EYS: variants seen among roughly 807,000 people sequenced by gnomAD.
EYS encodes the protein protein eyes shut homolog.
Under a neutral mutation model 282.1 loss-of-function variants are expected in EYS, and 250 were observed. The observed-to-expected ratio is 0.89, with a 90% CI of 0.80 to 0.98. The LOEUF (loss-of-function observed/expected upper bound fraction) is 0.98. EYS is among the 50% of genes least tolerant of loss of function. The pLI is 0.00. For synonymous variants in EYS, 1,355 were observed against 1,282.9 expected (o/e 1.06, Z -1.20); for missense variants, 4,016 against 3,709.0 (o/e 1.08, Z -2.15).
chr6:64,581,078 T>C (rs1766045991), intron 26 of EYS, among the ~76,000 whole-genome samples: 1 of 152,128 alleles, frequency 6.6e-6, no homozygotes, highest in African/African-American at 2.4e-5. Context: ...TAAGAAAGTA[T>C]ATATCTCTGC....
chr6:63,864,929 T>C (rs1249253712), intron 35 of EYS, among the ~76,000 whole-genome samples: 1 of 152,244 alleles, frequency 6.6e-6, no homozygotes, highest in East Asian at 1.9e-4. Context: ...TCAGGAAAAA[T>C]ACTCCTCTTA....
At chr6:64,318,902 T>C (rs980690635) in intron 29 of EYS, among the ~76,000 whole-genome samples, 4 of 151,914 alleles carry the variant, frequency 2.6e-5, no homozygotes, top group African/African-American at 9.7e-5. Flanking sequence ...ATTATTTCTT[T>C]GTTCTATGAG....
intron 35 of EYS, among the ~76,000 whole-genome samples, chr6:63,966,192 AAATG>A (rs1373161655): frequency 3.9e-5 from 6 of 152,236 alleles, no homozygotes; most frequent in African/African-American, 1.4e-4. Flanking sequence ...CCATAAAAAT[AAATG>A]AATGAACAAC....
At chr6:64,102,533 C>T (rs576112563) in intron 31 of EYS, among the ~76,000 whole-genome samples, 1 of 152,026 alleles carries the variant, frequency 6.6e-6, no homozygotes, top group Admixed American at 6.6e-5. Context: ...TACTCTAGTC[C>T]ATTTAAAAAT....
At chr6:65,492,764 G>C (rs894460240) in intron 4 of EYS, among the ~76,000 whole-genome samples, 3 of 152,116 alleles carry the variant, frequency 2.0e-5, no homozygotes, top group Non-Finnish European at 4.4e-5. Flanking sequence ...CCACGTTATA[G>C]AGACAATATA....
intron 5 of EYS, among the ~76,000 whole-genome samples, chr6:65,481,738 T>A (rs560853235): frequency 1.0e-3 from 159 of 152,168 alleles, no homozygotes; most frequent in Non-Finnish European, 5.0e-4. Flanking sequence ...TTATTTTTTA[T>A]TTTTTATTTT....
At chr6:64,061,810 A>G (rs533357214) in intron 33 of EYS, among the ~76,000 whole-genome samples, 1 of 151,856 alleles carries the variant, frequency 6.6e-6, no homozygotes, top group East Asian at 1.9e-4. Flanking sequence ...GCCAACATGG[A>G]GAAACCTGTT....
intron 21 of EYS, among the ~76,000 whole-genome samples, chr6:64,817,516 A>G (rs1437041544): frequency 6.6e-6 from 1 of 152,176 alleles, no homozygotes; most frequent in African/African-American, 2.4e-5. Context: ...CATGCAGGGG[A>G]TACATGTGCA....
chr6:65,405,466 A>G, intron 5 of EYS, 99 bp from the exon 6 acceptor site: 1 of 941,028 alleles, frequency 1.1e-6, no homozygotes. Flanking sequence ...ATTTCTCTAG[A>G]GTTTATGAAA....
intron 28 of EYS, among the ~76,000 whole-genome samples, chr6:64,406,236 T>C (rs1197000298): frequency 6.6e-6 from 1 of 152,116 alleles, no homozygotes; most frequent in Non-Finnish European, 1.5e-5. Flanking sequence ...TAATAAATGG[T>C]ATTGGGAAAA....
chr6:64,848,312 A>G (rs2150039834), intron 19 of EYS, among the ~76,000 whole-genome samples: 1 of 152,116 alleles, frequency 6.6e-6, no homozygotes, highest in Middle Eastern at 3.4e-3. Flanking sequence ...TAATAACAAG[A>G]TTATGCTTTG....
intron 36 of EYS, among the ~76,000 whole-genome samples, chr6:63,863,654 TTTTCTTTTCTTTTCTTTTTTC>T (rs1390472897): frequency 7.3e-4 from 4 of 5,474 alleles, no homozygotes; most frequent in Admixed American, 4.4e-3. Flanking sequence ...TTTTCTTTTC[TTTTCTTTTCTTTTCTTTTTTC>T]TTTTTTTTTT....
intron 12 of EYS, among the ~76,000 whole-genome samples, chr6:65,265,776 G>A (rs1334933016): frequency 6.6e-6 from 1 of 151,908 alleles, no homozygotes; most frequent in Admixed American, 6.6e-5. Flanking sequence ...GAAGAACATA[G>A]GCTGTGGATT....
intron 41 of EYS, among the ~76,000 whole-genome samples, chr6:63,738,846 T>A (rs1768999070): frequency 1.3e-5 from 2 of 152,154 alleles, no homozygotes; most frequent in Non-Finnish European, 2.9e-5. Flanking sequence ...TATATCCATA[T>A]CCTGATCCTC....
At chr6:65,317,827 T>A (rs868506564) in intron 11 of EYS, among the ~76,000 whole-genome samples, 3 of 48,942 alleles carry the variant, frequency 6.1e-5, no homozygotes, top group African/African-American at 1.3e-4. Context: ...CCTTCCTTCC[T>A]TTCTTTCTTT....
intron 12 of EYS, among the ~76,000 whole-genome samples, chr6:65,120,000 T>A (rs1265296855): frequency 6.6e-6 from 1 of 150,780 alleles, no homozygotes; most frequent in South Asian, 2.1e-4. Context: ...ATACAAAAAA[T>A]TAGCCGCCGG....
At chr6:63,768,494 G>A (rs1284614022) in intron 40 of EYS, among the ~76,000 whole-genome samples, 1 of 151,874 alleles carries the variant, frequency 6.6e-6, no homozygotes, top group Non-Finnish European at 1.5e-5. Flanking sequence ...ATCACTAATC[G>A]TTAGAGAAAT....
intron 33 of EYS, among the ~76,000 whole-genome samples, chr6:64,046,766 A>T (rs1314450864): frequency 1.3e-5 from 2 of 152,208 alleles, no homozygotes; most frequent in Non-Finnish European, 2.9e-5. Flanking sequence ...ATTTCTTACC[A>T]TCAGAATATT....
intron 2 of EYS, among the ~76,000 whole-genome samples, chr6:65,634,220 A>G (rs1767013334): frequency 6.6e-6 from 1 of 152,244 alleles, no homozygotes; most frequent in Non-Finnish European, 1.5e-5. Context: ...GAAAGAAAAC[A>G]GAGTTAGGGT....
Sources: gnomAD v4.1 joint callset for allele counts (sites outside exome capture counted in the v4.1 genomes callset) on GRCh38, gnomAD v4.1.1 for gene constraint, MANE v1.5 for transcripts, NCBI Gene and HGNC (gene_info 2026-07-23, HGNC 2026-07-21) for gene names.